NWD2: variants seen among roughly 807,000 people sequenced by gnomAD.
NWD2 encodes NACHT and WD repeat domain-containing protein 2.
In NWD2, 37 loss-of-function variants were observed where a neutral mutation model predicts 132.7. The ratio of observed to expected loss-of-function variants is 0.28; its 90% CI spans 0.21 to 0.37. The LOEUF (loss-of-function observed/expected upper bound fraction) is 0.37, where lower values mean the gene tolerates loss of function less well. Among genes scored for constraint, NWD2 ranks in the 10% least tolerant of loss-of-function variants. The probability of loss-of-function intolerance (pLI) is 1.00; values close to 1 mark genes in which losing one functional copy is unlikely to be tolerated. For synonymous variants in NWD2, 705 were observed against 803.0 expected (o/e 0.88, Z 2.06); for missense variants, 1,592 against 2,122.4 (o/e 0.75, Z 4.91).
chr4:37,351,801 C>T lies in NWD2; in HGVS notation c.241-4565C>T, dbSNP rs543885588. On this transcript the variant is annotated intron_variant, in intron 2 of 6. Coordinates refer to ENST00000309447, the MANE Select transcript of NWD2 (RefSeq NM_001144990.2). ...CGATTTTAGATCTTTCCTGCTTTCT[C>T]CTGTGGGCATTTTAGTGCTATAAAT... 2.2e-4 allele frequency among the ~76,000 whole-genome samples: 33 copies of T among 152,240 alleles called. 1 individual carries two copies. The highest frequency in any genetic ancestry group is 1.6e-3 in the Admixed American group (25 of 15,286).
chr4:37,252,158 G>A (rs963072875), intron 1 of NWD2, among the ~76,000 whole-genome samples: 3 of 151,904 alleles, frequency 2.0e-5, no homozygotes, highest in Non-Finnish European at 2.9e-5. Context: ...GAGTGATGAT[G>A]AGATCTCCAC....
intron 4 of NWD2, among the ~76,000 whole-genome samples, chr4:37,433,652 C>T (rs114805454): frequency 0.011 from 1,743 of 152,190 alleles, 31 homozygotes; most frequent in African/African-American, 0.04. Context: ...ACAAACACAC[C>T]GTATTTGGAT....
intron 3 of NWD2, among the ~76,000 whole-genome samples, chr4:37,414,800 G>T (rs1711536911): frequency 1.3e-5 from 2 of 152,174 alleles, no homozygotes; most frequent in Admixed American, 1.3e-4. Context: ...AACACTGTTA[G>T]CCTTTATAGA....
rs953198754 is a variant in NWD2 at position 37,356,527 on chromosome 4, T to C, written c.357+45T>C. ...TGCTTTATATTAACTTTTAGATGAA[T>C]GTGAGAATTATTGCTGATTTGTGAT... On this transcript the variant is annotated intron_variant, in intron 3 of 6. Coordinates refer to ENST00000309447, the MANE Select transcript of NWD2 (RefSeq NM_001144990.2). The C allele has an allele frequency of 4.1e-6, 5 of 1,211,930 alleles. No individual in the cohort carries two copies. In the African/African-American group the frequency reaches 6.0e-5, roughly 15 times the overall value. 75.1% of individuals were successfully genotyped at this position (1,211,930 alleles called of 1,614,324 possible).
At chr4:37,279,680 T>A (rs965064207) in intron 1 of NWD2, among the ~76,000 whole-genome samples, 13 of 152,334 alleles carry the variant, frequency 8.5e-5, no homozygotes, top group African/African-American at 3.1e-4. Flanking sequence ...TTGAAAAAGA[T>A]ATCACTTTAC....
chr4:37,297,970 A>T (rs924437120), intron 1 of NWD2, among the ~76,000 whole-genome samples: 1 of 152,114 alleles, frequency 6.6e-6, no homozygotes, highest in African/African-American at 2.4e-5. Context: ...GAACACCCCT[A>T]GGTTGAACAA....
chr4:37,444,892 G>A lies in NWD2; in HGVS notation c.2904G>A (p.Leu968=), dbSNP rs1191614591. 2 of 1,552,136 alleles carry A rather than the reference G, an allele frequency of 1.3e-6. No homozygotes were observed. The highest frequency in any genetic ancestry group is 3.9e-5 in the Admixed American group (2 of 50,984). Residue 968 remains leucine (L), a synonymous_variant, in exon 7 of 7, where the codon CTG becomes CTA. Coordinates refer to ENST00000309447, the MANE Select transcript of NWD2 (RefSeq NM_001144990.2). The surrounding 1 kb of genome is among the most constrained non-coding windows in gnomAD (Gnocchi z 4.8). ...GTCTTCCCTTATCATCCAGTCACCT[G>A]CATGTCACAGAGATCCTGCCTACCT... ...PERLPLSSSH[L]HVTEILPTCN...
chr4:37,341,608 A>C (rs1336057184), intron 2 of NWD2, among the ~76,000 whole-genome samples: 3 of 152,152 alleles, frequency 2.0e-5, no homozygotes, highest in Non-Finnish European at 4.4e-5. Flanking sequence ...TCTAGACACT[A>C]TCTTTGGGAT....
At chr4:37,294,974 G>T (rs1207192918) in intron 1 of NWD2, among the ~76,000 whole-genome samples, 1 of 152,174 alleles carries the variant, frequency 6.6e-6, no homozygotes, top group South Asian at 2.1e-4. Flanking sequence ...GGAAAGGAGG[G>T]AGGGTATGGT....
chr4:37,339,400 A>G (rs12642093), intron 2 of NWD2, among the ~76,000 whole-genome samples: 2 of 152,306 alleles, frequency 1.3e-5, no homozygotes, highest in African/African-American at 4.8e-5. Context: ...CTTTGTACTC[A>G]TAGGCAATCT....
intron 3 of NWD2, among the ~76,000 whole-genome samples, chr4:37,416,344 A>G (rs1287159983): frequency 6.6e-6 from 1 of 151,934 alleles, no homozygotes; most frequent in East Asian, 1.9e-4. Context: ...ATATACCTTT[A>G]TATATGTACA....
chr4:37,292,279 G>A (rs556714248), intron 1 of NWD2, among the ~76,000 whole-genome samples: 90 of 151,302 alleles, frequency 5.9e-4, no homozygotes, highest in African/African-American at 2.0e-3. Flanking sequence ...GTATTAAGAA[G>A]TGAGGCCTTG....
At chr4:37,417,182 G>A (rs537497083) in intron 3 of NWD2, among the ~76,000 whole-genome samples, 1 of 152,020 alleles carries the variant, frequency 6.6e-6, no homozygotes, top group East Asian at 1.9e-4. Flanking sequence ...GCTTAATGAT[G>A]GGATCATTAG....
At chr4:37,421,684 A>G (rs1711812693) in intron 3 of NWD2, among the ~76,000 whole-genome samples, 1 of 152,316 alleles carries the variant, frequency 6.6e-6, no homozygotes, top group Admixed American at 6.5e-5. Flanking sequence ...GAAATTGGTA[A>G]ATTACCTAAT....
At chr4:37,296,543 A>C (rs1253704044) in intron 1 of NWD2, among the ~76,000 whole-genome samples, 2 of 152,154 alleles carry the variant, frequency 1.3e-5, no homozygotes, top group African/African-American at 4.8e-5. Context: ...TTTTGCAGCA[A>C]CTTGGATGGA....
intron 1 of NWD2, among the ~76,000 whole-genome samples, chr4:37,304,573 G>C (rs1718671025): frequency 6.6e-6 from 1 of 152,178 alleles, no homozygotes; most frequent in African/African-American, 2.4e-5. Flanking sequence ...CAGGCATTGG[G>C]TAAATGCTCC....
At chr4:37,431,568 G>A (rs1385209644) in intron 4 of NWD2, among the ~76,000 whole-genome samples, 1 of 152,170 alleles carries the variant, frequency 6.6e-6, no homozygotes. Context: ...CTTTCATGGT[G>A]TCTATAGTTA....
rs1396670133 is a variant in NWD2 at position 37,312,835 on chromosome 4, A to G, written c.152-13101A>G. Among the ~76,000 whole-genome samples, 7 of 151,166 alleles carry G rather than the reference A, an allele frequency of 4.6e-5. No homozygotes were observed. The South Asian group carries it at 1.0e-3, about 22-fold the overall frequency. On this transcript the variant is annotated intron_variant, in intron 1 of 6. Coordinates refer to ENST00000309447, the MANE Select transcript of NWD2 (RefSeq NM_001144990.2). Reference sequence around the variant, plus strand: ...ACCTAACTTATTGAGAGTTTTTAGCATGAAGGGTTGTTGAATTTTGTCAAA... The same window carrying G: ...ACCTAACTTATTGAGAGTTTTTAGCGTGAAGGGTTGTTGAATTTTGTCAAA...
chr4:37,249,225 G>A (rs1397699878), intron 1 of NWD2, among the ~76,000 whole-genome samples: 2 of 152,228 alleles, frequency 1.3e-5, no homozygotes, highest in Non-Finnish European at 2.9e-5. Flanking sequence ...CTTCATGTCA[G>A]TCAAGGTCAG....
Sources: allele counts gnomAD v4.1 joint callset (sites outside exome capture counted in the v4.1 genomes callset), GRCh38; gene constraint gnomAD v4.1.1; non-coding constraint Gnocchi (gnomAD v3.1); transcripts MANE v1.5; gene names NCBI Gene and HGNC (gene_info 2026-07-23, HGNC 2026-07-21).